PRORP: variants seen among roughly 807,000 people sequenced by gnomAD.
The protein encoded by PRORP is protein only RNase P catalytic subunit.
Under a neutral mutation model 59.4 loss-of-function variants are expected in PRORP, and 51 were observed. The ratio of observed to expected loss-of-function variants is 0.86; its 90% CI spans 0.69 to 1.08. The LOEUF (loss-of-function observed/expected upper bound fraction) is 1.08. PRORP is among the 50% of genes least tolerant of loss of function. The probability of loss-of-function intolerance (pLI) is 0.00; values close to 1 mark genes in which losing one functional copy is unlikely to be tolerated. For missense variants in PRORP, 646 were observed against 690.3 expected, an observed-to-expected ratio of 0.94 and a Z score of 0.72; for synonymous variants, 231 against 245.6, an observed-to-expected ratio of 0.94 and a Z score of 0.55.
chr14:35,148,870 G>A (rs1006819098), intron 4 of PRORP, among the ~76,000 whole-genome samples: 7 of 147,412 alleles, frequency 4.7e-5, no homozygotes, highest in Admixed American at 1.3e-4. Context: ...CCACCAGTCT[G>A]TGCCCATAAC....
chr14:35,149,224 T>G (rs915202478), intron 4 of PRORP, among the ~76,000 whole-genome samples: 3 of 151,750 alleles, frequency 2.0e-5, no homozygotes, highest in African/African-American at 7.3e-5. Context: ...CGGCCTAATT[T>G]TTTTTTTTAA....
intron 4 of PRORP, among the ~76,000 whole-genome samples, chr14:35,165,789 C>A (rs1220027508): frequency 2.6e-5 from 4 of 152,044 alleles, no homozygotes; most frequent in African/African-American, 9.7e-5. Context: ...AAGCAATTCT[C>A]CTGCCTCAGC....
chr14:35,188,661 C>G (rs760615682), intron 5 of PRORP, among the ~76,000 whole-genome samples: 1 of 151,484 alleles, frequency 6.6e-6, no homozygotes, highest in Non-Finnish European at 1.5e-5. Flanking sequence ...GTTGCCTGTG[C>G]TTTTGGTGTC....
chr14:35,276,197 C>T lies in PRORP; in HGVS notation c.*2631C>T, dbSNP rs1034606026. On this transcript the variant is annotated 3_prime_UTR_variant, in exon 8 of 8. Coordinates refer to ENST00000534898, the MANE Select transcript of PRORP (RefSeq NM_014672.4). ...TAGCACATGCCTGTGGTCCCAGCTA[C>T]TCAGAAGGCTGAGGTGGGAGGATCA... 6.5e-6 allele frequency: 1 copy of T among 152,696 alleles called. No homozygotes were observed. The highest frequency in any genetic ancestry group is 6.6e-5 in the Admixed American group (1 of 15,254). The allele number at this position is 152,696 out of a possible 1,614,324, so 9.5% of individuals were successfully genotyped here. A position where few individuals can be genotyped will look rare whatever the true frequency, so the allele number is the denominator to read the frequency against.
chr14:35,236,128 A>G (rs1344226641), intron 5 of PRORP, among the ~76,000 whole-genome samples: 1 of 151,654 alleles, frequency 6.6e-6, no homozygotes, highest in Non-Finnish European at 1.5e-5. Flanking sequence ...AGCATAAGGA[A>G]ACTAAGACCC....
chr14:35,183,842 T>G (rs2048678906), intron 5 of PRORP, among the ~76,000 whole-genome samples: 1 of 152,170 alleles, frequency 6.6e-6, no homozygotes, highest in Non-Finnish European at 1.5e-5. Flanking sequence ...CAAACAGATT[T>G]TTTTAAATTG....
At chr14:35,270,301 G>A (rs369853801) in intron 6 of PRORP, 100 bp from the exon 7 acceptor site, 1 of 1,129,228 alleles carries the variant, frequency 8.9e-7, no homozygotes, top group African/African-American at 1.6e-5. Context: ...CAAGAAATCA[G>A]AGGCACCTCC....
At chr14:35,234,559 G>C (rs541610133) in intron 5 of PRORP, among the ~76,000 whole-genome samples, 2 of 151,894 alleles carry the variant, frequency 1.3e-5, no homozygotes, top group Non-Finnish European at 2.9e-5. Context: ...AGACACAAAG[G>C]CTCCTACGCC....
chr14:35,151,410 G>A (rs1453594772), intron 4 of PRORP, among the ~76,000 whole-genome samples: 1 of 151,918 alleles, frequency 6.6e-6, no homozygotes, highest in Non-Finnish European at 1.5e-5. Flanking sequence ...TGAGAATAAG[G>A]CCTCTGATCA....
At chr14:35,235,670 TAGTACCTTCTGTAGACCA>T in intron 5 of PRORP, 1 of 399,550 alleles carries the variant, frequency 2.5e-6, no homozygotes, top group Non-Finnish European at 4.9e-6. Flanking sequence ...TAATATTTTT[TAGTACCTTCTGTAGACCA>T]AGCAAAAGTT....
intron 5 of PRORP, among the ~76,000 whole-genome samples, chr14:35,215,362 G>C (rs1245573242): frequency 6.6e-6 from 1 of 152,066 alleles, no homozygotes; most frequent in Non-Finnish European, 1.5e-5. Context: ...CAACCTTTGA[G>C]AAATAGTGTC....
At chr14:35,129,441 T>C (rs573350415) in intron 4 of PRORP, among the ~76,000 whole-genome samples, 1 of 152,146 alleles carries the variant, frequency 6.6e-6, no homozygotes, top group Admixed American at 6.6e-5. Context: ...ATAATTTAGT[T>C]TCTTGCTTTT....
chr14:35,169,564 G>A (rs1278804798), intron 4 of PRORP, among the ~76,000 whole-genome samples: 1 of 152,188 alleles, frequency 6.6e-6, no homozygotes, highest in African/African-American at 2.4e-5. Flanking sequence ...AGGCAAGAGA[G>A]TATGTGAGAG....
In PRORP at chr14:35,270,354, G is replaced by T. The variant is rs754401838; in HGVS notation, c.1425-47G>T. The stretch of plus-strand genomic sequence containing the variant: ...AGTACGGTGAAAAACACTGTCCTCT[G>T]CCTCTTCAGCTGTGCTTGATTGTGT... On this transcript the variant is annotated intron_variant, in intron 6 of 7. Transcript: ENST00000534898. 8.3e-6 allele frequency: 13 copies of T among 1,563,652 alleles called. No homozygotes were observed. The East Asian group carries it at 1.6e-4, about 19-fold the overall frequency.
At chr14:35,125,157 G>A (rs2047068070) in intron 2 of PRORP, among the ~76,000 whole-genome samples, 1 of 151,990 alleles carries the variant, frequency 6.6e-6, no homozygotes, top group African/African-American at 2.4e-5. Context: ...CACCGCGTCC[G>A]GCCTATTCTG....
intron 2 of PRORP, 98 bp from the exon 3 acceptor site, chr14:35,126,637 G>C (rs1279041013): frequency 4.5e-6 from 4 of 889,818 alleles, no homozygotes; most frequent in Non-Finnish European, 7.0e-6. Flanking sequence ...TGAACTTTTC[G>C]GACTTCTTGC....
At chr14:35,146,858 C>T (rs1386061873) in intron 4 of PRORP, among the ~76,000 whole-genome samples, 2 of 152,104 alleles carry the variant, frequency 1.3e-5, no homozygotes, top group Non-Finnish European at 2.9e-5. Flanking sequence ...CTTTGGGGCC[C>T]AGGCAGGAAC....
chr14:35,255,426 G>A (rs539949105), intron 5 of PRORP, among the ~76,000 whole-genome samples: 7 of 152,220 alleles, frequency 4.6e-5, no homozygotes, highest in South Asian at 4.1e-4. Flanking sequence ...CACCACACCC[G>A]GCTGGAATAA....
At chr14:35,210,269 C>T (rs139579681) in intron 5 of PRORP, among the ~76,000 whole-genome samples, 4 of 152,202 alleles carry the variant, frequency 2.6e-5, no homozygotes, top group African/African-American at 9.6e-5. Flanking sequence ...AAACTCAGTC[C>T]CCAGTAATTA....
Sources: allele counts gnomAD v4.1 joint callset (sites outside exome capture counted in the v4.1 genomes callset), GRCh38; gene constraint gnomAD v4.1.1; transcripts MANE v1.5; gene names NCBI Gene and HGNC (gene_info 2026-07-23, HGNC 2026-07-21).